Variants in RTN1 observed in about 807,000 individuals in gnomAD.
RTN1 encodes reticulon-1.
A neutral mutation model predicts 65.5 loss-of-function variants in RTN1; 25 were observed. That is an observed-to-expected ratio of 0.38 (90% CI 0.28 to 0.53). The LOEUF is 0.53. Among genes scored for constraint, RTN1 ranks in the 20% least tolerant of loss-of-function variants. RTN1 has a pLI of 0.79. For missense variants in RTN1, 983 were observed against 1,025.4 expected (o/e 0.96, Z 0.57); for synonymous variants, 471 against 447.6 (o/e 1.05, Z -0.66).
chr14:59,784,674 T>C (rs1215824273), intron 1 of RTN1, among the ~76,000 whole-genome samples: 4 of 152,248 alleles, frequency 2.6e-5, no homozygotes. Context: ...TTTTTCAGAC[T>C]GAACATTCAT....
chr14:59,809,796 C>T (rs1819345687), intron 1 of RTN1, among the ~76,000 whole-genome samples: 1 of 152,136 alleles, frequency 6.6e-6, no homozygotes, highest in South Asian at 2.1e-4. Context: ...ACCTAAGACA[C>T]AACAGAACCC....
intron 3 of RTN1, among the ~76,000 whole-genome samples, chr14:59,679,628 C>T (rs1340823584): frequency 6.6e-6 from 1 of 152,132 alleles, no homozygotes; most frequent in East Asian, 1.9e-4. Context: ...TAATCATTGT[C>T]ACTGCAAAAA....
chr14:59,752,656 C>A (rs191856961), intron 1 of RTN1, among the ~76,000 whole-genome samples: 73 of 152,242 alleles, frequency 4.8e-4, no homozygotes, highest in African/African-American at 1.5e-3. Context: ...TTCTTCTAAC[C>A]TGTCAGCTCC....
At chr14:59,691,842 C>T (rs139433352) in intron 3 of RTN1, among the ~76,000 whole-genome samples, 161 of 152,184 alleles carry the variant, frequency 1.1e-3, no homozygotes, top group African/African-American at 3.7e-3. Flanking sequence ...ACCATCTAAT[C>T]ATCTCAATAG....
At chr14:59,744,487 A>G (rs930049805) in intron 2 of RTN1, among the ~76,000 whole-genome samples, 2 of 152,342 alleles carry the variant, frequency 1.3e-5, no homozygotes, top group Middle Eastern at 3.4e-3. Flanking sequence ...CAGAATACGC[A>G]TGAGTGCTGT....
chr14:59,605,421 G>T lies in RTN1; in HGVS notation c.2059C>A (p.Leu687Ile). Residue 687 changes from leucine (L) to isoleucine (I), a missense_variant, in exon 5 of 9, where the codon CTT becomes ATT. By Grantham distance (5) the Leu-to-Ile change is conservative. Coordinates refer to ENST00000267484, the MANE Select transcript of RTN1 (RefSeq NM_021136.3). ...AGGAAGAGCCTCCTCAGTTCCTTAA[G>T]TGTGCTGTTCACGTAGAACTGCAGG... ...DCLQFYVNST[L>I]KELRRLFLVQ... The T allele has an allele frequency of 6.2e-7, 1 of 1,614,180 alleles. No homozygotes were observed. The highest frequency in any genetic ancestry group is 8.5e-7 in the Non-Finnish European group (1 of 1,180,006).
chr14:59,704,176 C>T (rs1323591980), intron 3 of RTN1, among the ~76,000 whole-genome samples: 3 of 152,146 alleles, frequency 2.0e-5, no homozygotes, highest in Admixed American at 2.0e-4. Flanking sequence ...CAAAATGCTC[C>T]TGCAAATATT....
In RTN1 at chr14:59,596,200, AATT is replaced by A. The variant is rs2140153401; in HGVS notation, c.*542_*544del. 6.5e-6 allele frequency: 1 copy of A among 152,780 alleles called. No homozygotes were observed. The highest frequency in any genetic ancestry group is 1.9e-4 in the East Asian group (1 of 5,190). 9.5% of individuals were successfully genotyped at this position (152,780 alleles called of 1,614,324 possible). On this transcript the variant is annotated 3_prime_UTR_variant, in exon 9 of 9. Transcript: ENST00000267484. Reference sequence around the variant, plus strand: ...TTGTTTTGGATTTATTCATTTATTTAATTATTTTAAGTTATACAAAACTGATTA... The same window carrying A: ...TTGTTTTGGATTTATTCATTTATTTAATTTTAAGTTATACAAAACTGATTA...
chr14:59,798,787 G>A (rs1886486362), intron 1 of RTN1, among the ~76,000 whole-genome samples: 2 of 119,408 alleles, frequency 1.7e-5, no homozygotes, highest in African/African-American at 3.2e-5. Context: ...TTAGGACATG[G>A]ATATCATTTG....
chr14:59,669,173 A>G (rs185677390), intron 3 of RTN1, among the ~76,000 whole-genome samples: 1 of 152,172 alleles, frequency 6.6e-6, no homozygotes, highest in Non-Finnish European at 1.5e-5. Flanking sequence ...TATTGCAGCA[A>G]TATTCCCAAT....
At position 59,747,376 on chromosome 14, in the gene RTN1, G is replaced by A. The variant is rs184702688; in HGVS notation, c.242-895C>T. On this transcript the variant is annotated intron_variant, in intron 1 of 8. Transcript: ENST00000267484. Reference sequence around the variant, plus strand: ...TGTAATTCCAGCACTTTGGGAGGCCGAGGCAGGCGGATCTCCTGAGGTCGG... The same window carrying A: ...TGTAATTCCAGCACTTTGGGAGGCCAAGGCAGGCGGATCTCCTGAGGTCGG... 8.5e-5 allele frequency among the ~76,000 whole-genome samples: 13 copies of A among 152,334 alleles called. No homozygotes were observed. The East Asian group carries it at 9.6e-4, about 11-fold the overall frequency.
At chr14:59,857,163 G>A (rs1005173329) in intron 1 of RTN1, among the ~76,000 whole-genome samples, 3 of 152,088 alleles carry the variant, frequency 2.0e-5, no homozygotes, top group Non-Finnish European at 4.4e-5. Context: ...CCTAACTATA[G>A]AATCTGAGGC....
At position 59,819,724 on chromosome 14, in the gene RTN1, C is replaced by G. The variant is rs556994035; in HGVS notation, c.241+50666G>C. Among the ~76,000 whole-genome samples the G allele has an allele frequency of 1.3e-4, 20 of 152,232 alleles. No individual in the cohort carries two copies. In the South Asian group the frequency reaches 4.1e-3, roughly 32 times the overall value. ...TCCCGAACCCTGCCTTGTGGGGAGG[C>G]GGCTGAGGCCCAGCAAGAATTCGAG... On this transcript the variant is annotated intron_variant, in intron 1 of 8. Coordinates refer to ENST00000267484, the MANE Select transcript of RTN1 (RefSeq NM_021136.3).
chr14:59,806,441 T>C (rs150743152), intron 1 of RTN1, among the ~76,000 whole-genome samples: 3 of 152,318 alleles, frequency 2.0e-5, no homozygotes, highest in Admixed American at 2.0e-4. Context: ...TATATTTTCA[T>C]ATTTTACCTT....
intron 1 of RTN1, among the ~76,000 whole-genome samples, chr14:59,782,145 C>G (rs899011812): frequency 6.6e-6 from 1 of 152,090 alleles, no homozygotes; most frequent in Non-Finnish European, 1.5e-5. Context: ...CACCAGACAC[C>G]AAATCTGCCT....
intron 3 of RTN1, 67 bp from the exon 4 acceptor site, chr14:59,607,559 ACTCCACCAAGC>A: frequency 7.3e-7 from 1 of 1,367,836 alleles, no homozygotes; most frequent in Non-Finnish European, 1.0e-6. Context: ...GCTGTGGCTC[ACTCCACCAAGC>A]TGTGGTTGCT....
rs34400407 is a variant in RTN1, at chr14:59,727,010, C to T, written c.1674G>A (p.Ser558=). The change falls in exon 3 of 9, where the codon TCG becomes TCA. Residue 558 remains serine, a synonymous_variant. Transcript: ENST00000267484. The surrounding 1 kb of genome is among the most constrained non-coding windows in gnomAD (Gnocchi z 4.2). ...PMLPRKPEED[S]SSNQSPAATK... is the part of the protein sequence containing the mutation. ...TGGCCGCAGGACTTTGGTTGGAACT[C>T]GAGTCTTCTTCAGGCTTCCGTGGCA... 2.9e-4 allele frequency: 467 copies of T among 1,613,486 alleles called. 1 individual carries two copies. In the African/African-American group the frequency reaches 5.2e-3, roughly 18 times the overall value.
intron 2 of RTN1, among the ~76,000 whole-genome samples, chr14:59,743,983 C>T (rs955596235): frequency 6.6e-6 from 1 of 152,036 alleles, no homozygotes; most frequent in Admixed American, 6.5e-5. Context: ...GTGTTTGTTG[C>T]GTGAATGAGT....
In RTN1 at chr14:59,814,300, G is replaced by A. The variant is rs80288579; in HGVS notation, c.241+56090C>T. ...AAGGCTCTTACTGGATTTATATCAC[G>A]GCAGACGCTGAAAGTTGGACATCCA... is the stretch of plus-strand genomic sequence containing the variant. On this transcript the variant is annotated intron_variant, in intron 1 of 8. Transcript: ENST00000267484. Among the ~76,000 whole-genome samples, 615 of 152,266 alleles carry A rather than the reference G, an allele frequency of 4.0e-3. 20 individuals carry two copies. The East Asian group carries it at 0.057, about 14-fold the overall frequency.
Sources: gnomAD v4.1 joint callset for allele counts (sites outside exome capture counted in the v4.1 genomes callset) on GRCh38, gnomAD v4.1.1 for gene constraint, Gnocchi (gnomAD v3.1) non-coding constraint, MANE v1.5 for transcripts, NCBI Gene and HGNC (gene_info 2026-07-23, HGNC 2026-07-21) for gene names.